The following TXNRD1 variants were observed in gnomAD, a reference collection of about 807,000 sequenced individuals.
TXNRD1 encodes thioredoxin reductase 1, also known as thioredoxin reductase 1, cytoplasmic.
A neutral mutation model predicts 80.3 loss-of-function variants in TXNRD1; 57 were observed. That is an observed-to-expected ratio of 0.71 (90% CI 0.57 to 0.89). The LOEUF is 0.89. Ranked by LOEUF, TXNRD1 falls within the 40% of genes least tolerant of loss-of-function variation. The pLI is 0.00. For synonymous variants in TXNRD1, 291 were observed against 285.2 expected, an observed-to-expected ratio of 1.02 and a Z score of -0.20; for missense variants, 730 against 803.0, an observed-to-expected ratio of 0.91 and a Z score of 1.10.
At chr12:104,234,797 A>G (rs896642836) in intron 1 of TXNRD1, among the ~76,000 whole-genome samples, 2 of 152,042 alleles carry the variant, frequency 1.3e-5, no homozygotes, top group African/African-American at 2.4e-5. Context: ...TATATCTCCT[A>G]TAGTAGGCCA....
intron 3 of TXNRD1, among the ~76,000 whole-genome samples, chr12:104,271,351 G>T (rs7969380): frequency 2.0e-5 from 3 of 151,782 alleles, no homozygotes; most frequent in Admixed American, 1.3e-4. Context: ...AATTTTTTGT[G>T]TTTTTTTAGT....
At chr12:104,288,472 T>C (rs766807810) in intron 3 of TXNRD1, among the ~76,000 whole-genome samples, 1 of 152,238 alleles carries the variant, frequency 6.6e-6, no homozygotes, top group Non-Finnish European at 1.5e-5. Flanking sequence ...CGGTTTCAAA[T>C]GTCAAGGAAA....
Position 104,315,666 on chromosome 12 carries a change from G to A in TXNRD1, c.611-111G>A, listed in dbSNP as rs943068982. On this transcript the variant is annotated intron_variant, in intron 6 of 16. Coordinates refer to ENST00000525566, the MANE Select transcript of TXNRD1 (RefSeq NM_001093771.3). ...TAAACTTTATTACTGACCACATTAA[G>A]CAAATATAATACAATATTTCTTAGA... is the stretch of plus-strand genomic sequence containing the variant. 4.0e-6 allele frequency: 5 copies of A among 1,260,996 alleles called. No individual in the cohort carries two copies. In the Admixed American group the frequency reaches 7.6e-5, roughly 19 times the overall value. 78.1% of individuals were successfully genotyped at this position (1,260,996 alleles called of 1,614,324 possible).
chr12:104,245,341 G>A (rs192818590), intron 1 of TXNRD1, among the ~76,000 whole-genome samples: 1 of 151,204 alleles, frequency 6.6e-6, no homozygotes, highest in East Asian at 1.9e-4. Flanking sequence ...GTGAAACCCC[G>A]TCTCTACTAA....
At chr12:104,301,954 C>T (rs1369511198) in intron 4 of TXNRD1, among the ~76,000 whole-genome samples, 2 of 152,170 alleles carry the variant, frequency 1.3e-5, no homozygotes, top group African/African-American at 4.8e-5. Flanking sequence ...ATCTTTGCTG[C>T]CAAATAACTT....
At chr12:104,262,010 A>G (rs1270285552) in intron 3 of TXNRD1, among the ~76,000 whole-genome samples, 4 of 149,476 alleles carry the variant, frequency 2.7e-5, no homozygotes, top group African/African-American at 9.9e-5. Flanking sequence ...GGCCTCACAA[A>G]CTTTTGGGAT....
chr12:104,302,486 C>CTTTTTTTTTTTTTTTTTTTTTT lies in TXNRD1; in HGVS notation c.415-8783_415-8782insTTTTTTTTTTTTTTTTTTTTTT, dbSNP rs772202256. Among the ~76,000 whole-genome samples the CTTTTTTTTTTTTTTTTTTTTTT allele has an allele frequency of 1.0e-4, 8 of 76,234 alleles. 1 individual carries two copies. The highest frequency in any genetic ancestry group is 1.6e-4 in the Non-Finnish European group (7 of 44,152). 50.0% of individuals were successfully genotyped at this position (76,234 alleles called of 152,430 possible). ...TTTAAAAACCAGATGTATTCATTCC[C>CTTTTTTTTTTTTTTTTTTTTTT]TTTTTTTTTTTTTTTTTTTTTGAGA... On this transcript the variant is annotated intron_variant, in intron 4 of 16. Transcript: ENST00000525566.
chr12:104,340,700 A>G (rs1368744770), intron 16 of TXNRD1, among the ~76,000 whole-genome samples: 1 of 152,142 alleles, frequency 6.6e-6, no homozygotes, highest in Middle Eastern at 3.2e-3. Flanking sequence ...AACTCCAGTC[A>G]TTGGATTAGG....
chr12:104,287,442 GT>G (rs753187584), intron 3 of TXNRD1: 2 of 1,612,954 alleles, frequency 1.2e-6, no homozygotes. Context: ...GTATTGTATC[GT>G]TTCTTACAGA....
At chr12:104,266,524 CAAAAAA>C (rs60829935) in intron 3 of TXNRD1, among the ~76,000 whole-genome samples, 42 of 111,518 alleles carry the variant, frequency 3.8e-4, no homozygotes, top group Non-Finnish European at 5.1e-4. Context: ...GAATTCATCT[CAAAAAA>C]AAAAAAAAAA....
At chr12:104,281,053 C>A (rs923917834) in intron 3 of TXNRD1, among the ~76,000 whole-genome samples, 1 of 152,132 alleles carries the variant, frequency 6.6e-6, no homozygotes, top group Non-Finnish European at 1.5e-5. Context: ...CTTAGTCAAC[C>A]TCTCCATTTG....
At chr12:104,332,525 G>A (rs1434485114) in intron 14 of TXNRD1, among the ~76,000 whole-genome samples, 1 of 151,948 alleles carries the variant, frequency 6.6e-6, no homozygotes, top group Non-Finnish European at 1.5e-5. Flanking sequence ...CGAGGTGGGT[G>A]GATCACCTGA....
chr12:104,335,619 T>G (rs1296195608), intron 15 of TXNRD1, among the ~76,000 whole-genome samples: 3 of 152,190 alleles, frequency 2.0e-5, no homozygotes, highest in African/African-American at 7.2e-5. Context: ...TTTAAAGTTT[T>G]TTGACTGTGG....
chr12:104,350,149 A>G lies in TXNRD1; in HGVS notation c.*1728A>G, dbSNP rs1432690673. 6.6e-6 allele frequency: 1 copy of G among 152,208 alleles called. No individual in the cohort carries two copies. The highest frequency in any genetic ancestry group is 1.5e-5 in the Non-Finnish European group (1 of 68,032). 9.4% of individuals were successfully genotyped at this position (152,208 alleles called of 1,614,324 possible). On this transcript the variant is annotated 3_prime_UTR_variant, in exon 17 of 17. Coordinates refer to ENST00000525566, the MANE Select transcript of TXNRD1 (RefSeq NM_001093771.3). Reference sequence around the variant, plus strand: ...ATCCCCACAAGAAGGATTATATCTTATAGACTTGTCTTGTTCAGATTCTGT... The same window carrying G: ...ATCCCCACAAGAAGGATTATATCTTGTAGACTTGTCTTGTTCAGATTCTGT...
intron 6 of TXNRD1, among the ~76,000 whole-genome samples, chr12:104,315,406 G>C (rs1247199919): frequency 6.6e-6 from 1 of 152,150 alleles, no homozygotes; most frequent in African/African-American, 2.4e-5. Flanking sequence ...ACACAGTATG[G>C]GTGTATGGGT....
intron 3 of TXNRD1, among the ~76,000 whole-genome samples, chr12:104,261,943 T>C (rs1451014978): frequency 2.0e-5 from 3 of 152,016 alleles, no homozygotes; most frequent in African/African-American, 7.2e-5. Flanking sequence ...AGACAGGTTT[T>C]CACCGTGTTG....
chr12:104,316,546 C>G (rs573005958), intron 7 of TXNRD1, among the ~76,000 whole-genome samples: 8 of 152,114 alleles, frequency 5.3e-5, no homozygotes, highest in Admixed American at 2.0e-4. Flanking sequence ...CCTGCCACCA[C>G]GCCTGGCTAA....
chr12:104,254,985 A>T (rs1453967348), intron 2 of TXNRD1, among the ~76,000 whole-genome samples: 1 of 151,954 alleles, frequency 6.6e-6, no homozygotes, highest in East Asian at 1.9e-4. Context: ...AATGCCTGTA[A>T]TCCCAGCTAC....
At chr12:104,245,377 G>GGT (rs2032956768) in intron 1 of TXNRD1, among the ~76,000 whole-genome samples, 1 of 151,382 alleles carries the variant, frequency 6.6e-6, no homozygotes, top group African/African-American at 2.4e-5. Flanking sequence ...TGGGCATGGT[G>GGT]GCACAGGCAC....
Sources: allele counts gnomAD v4.1 joint callset (sites outside exome capture counted in the v4.1 genomes callset), GRCh38; gene constraint gnomAD v4.1.1; transcripts MANE v1.5; gene names NCBI Gene and HGNC (gene_info 2026-07-23, HGNC 2026-07-21).